The following SH3BP4 variants were observed in gnomAD, a reference collection of about 807,000 sequenced individuals.
SH3BP4 encodes the protein SH3 domain-binding protein 4.
SH3BP4 carries 33 observed loss-of-function variants against 65.5 expected under a neutral mutation model. The observed-to-expected ratio is 0.50, with a 90% CI of 0.38 to 0.67. The LOEUF (loss-of-function observed/expected upper bound fraction) is 0.67, where lower values mean the gene tolerates loss of function less well. SH3BP4 is among the 30% of genes least tolerant of loss of function. SH3BP4 has a pLI of 0.00. For missense variants in SH3BP4, 1,134 were observed against 1,261.4 expected (o/e 0.90, Z 1.53); for synonymous variants, 552 against 545.5 (o/e 1.01, Z -0.17).
chr2:234,978,772 A>G lies in SH3BP4; in HGVS notation c.-206-16531A>G, dbSNP rs1244794337. 6.6e-6 allele frequency: 1 copy of G among 152,158 alleles called. No homozygotes were observed. Among genetic ancestry groups the G allele is most frequent in the African/African-American group, 2.4e-5 (1 of 41,414 alleles). 9.4% of individuals were successfully genotyped at this position (152,158 alleles called of 1,614,324 possible). On this transcript the variant is annotated intron_variant, in intron 1 of 5. Transcript: ENST00000392011. The surrounding 1 kb of genome is among the most constrained non-coding windows in gnomAD (Gnocchi z 4.1). ...GGAGGGGAGCCCTGGCCCTGTGGAG[A>G]GAGACCGAGTCGTGCAGCGTCCGTG...
rs1225718446 is a variant in SH3BP4, at chr2:235,000,392, C to T, written c.-133+5016C>T. Among the ~76,000 whole-genome samples the T allele has an allele frequency of 2.6e-5, 4 of 152,304 alleles. No homozygotes were observed. In the South Asian group the frequency reaches 6.2e-4, roughly 24 times the overall value. On this transcript the variant is annotated intron_variant, in intron 2 of 5. Transcript: ENST00000392011. ...CCTGTGCCTGACGTTTCATTCATGCCGTTCTCCCATGCAGGTTGCTCTCCT... is the reference window on the plus strand; with the variant it reads ...CCTGTGCCTGACGTTTCATTCATGCTGTTCTCCCATGCAGGTTGCTCTCCT...
At chr2:234,975,056 A>G (rs1454178058) in intron 1 of SH3BP4, among the ~76,000 whole-genome samples, 1 of 152,176 alleles carries the variant, frequency 6.6e-6, no homozygotes, top group Non-Finnish European at 1.5e-5. Context: ...GGAACTGGAC[A>G]GGGGAAGGTT....
intron 1 of SH3BP4, among the ~76,000 whole-genome samples, chr2:234,969,533 G>A (rs1351673475): frequency 2.6e-5 from 4 of 152,160 alleles, no homozygotes; most frequent in Non-Finnish European, 5.9e-5. Context: ...GCCAGTTGTC[G>A]CCTTCCAGCT....
chr2:235,030,860 G>A lies in SH3BP4; in HGVS notation c.-132-4011G>A, dbSNP rs944918565. Among the ~76,000 whole-genome samples the A allele has an allele frequency of 5.3e-5, 8 of 152,144 alleles. No homozygotes were observed. The highest frequency in any genetic ancestry group is 1.7e-4 in the African/African-American group (7 of 41,428). Reference sequence around the variant, plus strand: ...AGGTTTTGGGAGTGGAGAGCCCTCTGCACTCAGTCCACACCAGGGCTGGCT... The same window carrying A: ...AGGTTTTGGGAGTGGAGAGCCCTCTACACTCAGTCCACACCAGGGCTGGCT... On this transcript the variant is annotated intron_variant, in intron 2 of 5. Transcript: ENST00000392011. The surrounding 1 kb of genome is among the most constrained non-coding windows in gnomAD (Gnocchi z 4.1).
chr2:234,969,224 T>C (rs1333797271), intron 1 of SH3BP4, among the ~76,000 whole-genome samples: 2 of 152,238 alleles, frequency 1.3e-5, no homozygotes, highest in Non-Finnish European at 2.9e-5. Context: ...GCTATCTCAC[T>C]TATTGGCTTT....
At chr2:234,981,278 G>A (rs1693374819) in intron 1 of SH3BP4, among the ~76,000 whole-genome samples, 2 of 152,280 alleles carry the variant, frequency 1.3e-5, no homozygotes, top group Admixed American at 1.3e-4. Flanking sequence ...TATCGCTCTT[G>A]CTTGATGCTG....
chr2:234,985,993 C>A (rs1438281910), intron 1 of SH3BP4, among the ~76,000 whole-genome samples: 1 of 151,992 alleles, frequency 6.6e-6, no homozygotes, highest in African/African-American at 2.4e-5. Flanking sequence ...GGTGAACCAG[C>A]CTCTGACACT....
chr2:235,007,670 G>C (rs953762216), intron 2 of SH3BP4, among the ~76,000 whole-genome samples: 1 of 152,216 alleles, frequency 6.6e-6, no homozygotes, highest in Non-Finnish European at 1.5e-5. Flanking sequence ...ATTTCTGGGC[G>C]CTGCCAGTTG....
chr2:235,006,014 C>T (rs935056463), intron 2 of SH3BP4, among the ~76,000 whole-genome samples: 1 of 152,254 alleles, frequency 6.6e-6, no homozygotes, highest in Non-Finnish European at 1.5e-5. Flanking sequence ...AGGAAGCCGG[C>T]CCAGCCCCTG....
intron 2 of SH3BP4, among the ~76,000 whole-genome samples, chr2:235,031,730 T>G (rs1695208635): frequency 6.6e-6 from 1 of 152,218 alleles, no homozygotes; most frequent in African/African-American, 2.4e-5. Context: ...GAACACTCAC[T>G]GGCATCTCAC....
intron 1 of SH3BP4, among the ~76,000 whole-genome samples, chr2:234,990,112 T>C (rs2106268155): frequency 6.6e-6 from 1 of 152,342 alleles, no homozygotes; most frequent in East Asian, 1.9e-4. Flanking sequence ...TGGGGTCCCA[T>C]CTGCAAGATA....
At chr2:234,961,045 G>A (rs1692695685) in intron 1 of SH3BP4, among the ~76,000 whole-genome samples, 1 of 152,158 alleles carries the variant, frequency 6.6e-6, no homozygotes, top group South Asian at 2.1e-4. Context: ...AAAGAGCAGG[G>A]GGTGTCTGAG....
intron 2 of SH3BP4, among the ~76,000 whole-genome samples, chr2:235,027,299 C>T (rs1695032128): frequency 6.6e-6 from 1 of 152,224 alleles, no homozygotes; most frequent in African/African-American, 2.4e-5. Flanking sequence ...GTGGTCTCCT[C>T]GTGGTCCCAT....
chr2:234,996,982 G>A (rs1483233648), intron 2 of SH3BP4, among the ~76,000 whole-genome samples: 1 of 152,026 alleles, frequency 6.6e-6, no homozygotes, highest in Non-Finnish European at 1.5e-5. Context: ...AAGACATCTG[G>A]GAAGAGGAAC....
At chr2:235,050,188 T>C (rs1158499512) in intron 4 of SH3BP4, among the ~76,000 whole-genome samples, 1 of 151,848 alleles carries the variant, frequency 6.6e-6, no homozygotes, top group Non-Finnish European at 1.5e-5. Flanking sequence ...CGATCTCAGC[T>C]CACTACAAGC....
rs535246984 is a variant in SH3BP4, at chr2:234,972,114, C to CTT, written c.-207+19955_-207+19956dup. On this transcript the variant is annotated intron_variant, in intron 1 of 5. Coordinates refer to ENST00000392011, the MANE Select transcript of SH3BP4 (RefSeq NM_014521.3). ...ACAGGTGTGAGCCACCGTGCCCGGCCTTTTTTTTTTTTGTTTTTTGTTTTT... is the reference window on the plus strand; with the variant it reads ...ACAGGTGTGAGCCACCGTGCCCGGCCTTTTTTTTTTTTTTGTTTTTTGTTTTT... Among the ~76,000 whole-genome samples, 16 of 137,788 alleles carry CTT rather than the reference C, an allele frequency of 1.2e-4. No homozygotes were observed. In the East Asian group the frequency reaches 1.3e-3, roughly 11 times the overall value. The allele number at this position is 137,788 out of a possible 152,430, so 90.4% of individuals were successfully genotyped here. A position where few individuals can be genotyped will look rare whatever the true frequency, so the allele number is the denominator to read the frequency against.
Position 234,976,827 on chromosome 2 carries a change from A to G in SH3BP4, c.-206-18476A>G, listed in dbSNP as rs1047352639. Among the ~76,000 whole-genome samples, 1 of 152,136 alleles carries G rather than the reference A, an allele frequency of 6.6e-6. No homozygotes were observed. Among genetic ancestry groups the G allele is most frequent in the Non-Finnish European group, 1.5e-5 (1 of 68,016 alleles). Reference sequence around the variant, plus strand: ...CTGTCAAGGTCACCCAAAACACACAATGTCTGGGGAGATGCCCTAGCCAAG... The same window carrying G: ...CTGTCAAGGTCACCCAAAACACACAGTGTCTGGGGAGATGCCCTAGCCAAG... On this transcript the variant is annotated intron_variant, in intron 1 of 5. Coordinates refer to ENST00000392011, the MANE Select transcript of SH3BP4 (RefSeq NM_014521.3). The surrounding 1 kb of genome is among the most constrained non-coding windows in gnomAD (Gnocchi z 4.7).
intron 1 of SH3BP4, among the ~76,000 whole-genome samples, chr2:234,960,480 G>T (rs372266875): frequency 6.6e-6 from 1 of 152,198 alleles, no homozygotes; most frequent in African/African-American, 2.4e-5. Context: ...GTGTGAGGGG[G>T]TGCTGACTCT....
At chr2:235,015,182 GTT>G (rs1694651752) in intron 2 of SH3BP4, among the ~76,000 whole-genome samples, 1 of 152,234 alleles carries the variant, frequency 6.6e-6, no homozygotes, top group African/African-American at 2.4e-5. Flanking sequence ...TGAAGCACCT[GTT>G]AACCCAATCT....
Sources: allele counts gnomAD v4.1 joint callset (sites outside exome capture counted in the v4.1 genomes callset), GRCh38; gene constraint gnomAD v4.1.1; non-coding constraint Gnocchi (gnomAD v3.1); transcripts MANE v1.5; gene names NCBI Gene and HGNC (gene_info 2026-07-23, HGNC 2026-07-21).